The following GINS2 variants were observed in gnomAD, a reference collection of about 807,000 sequenced individuals.
The protein encoded by GINS2 is GINS complex subunit 2.
GINS2 carries 23 observed loss-of-function variants against 21.2 expected under a neutral mutation model. That is an observed-to-expected ratio of 1.08 (90% CI 0.78 to 1.53). The LOEUF is 1.53. Among genes scored for constraint, GINS2 ranks in the 40% most tolerant of loss-of-function variants. GINS2 has a pLI of 0.00. For missense variants in GINS2, 323 were observed against 233.9 expected (o/e 1.38, Z -2.49); for synonymous variants, 118 against 85.6 (o/e 1.38, Z -2.09).
chr16:85,685,685 A>AAAAAAAAAAACAAAAAAC (rs56405044), intron 2 of GINS2, among the ~76,000 whole-genome samples: 2 of 120,900 alleles, frequency 1.7e-5, no homozygotes, highest in Non-Finnish European at 3.9e-5. Flanking sequence ...AAAAAAAAAA[A>AAAAAAAAAAACAAAAAAC]AAAAAACCGT....
rs147107148 is a variant in GINS2 at position 85,681,721 on chromosome 16, C to T, written c.206-40G>A. The T allele has an allele frequency of 4.0e-3, 5,058 of 1,249,854 alleles. 21 individuals carry two copies. Among genetic ancestry groups the T allele is most frequent in the South Asian group, 7.7e-3 (620 of 80,250 alleles). 77.4% of individuals were successfully genotyped at this position (1,249,854 alleles called of 1,614,324 possible). Reference sequence around the variant, plus strand: ...TTAATACATTTTACCATCATTATAACCAAGATATTTATTAAACCTTCCAAA... The same window carrying T: ...TTAATACATTTTACCATCATTATAATCAAGATATTTATTAAACCTTCCAAA... On this transcript the variant is annotated intron_variant, in intron 2 of 4. Transcript: ENST00000253462.
At chr16:85,683,217 G>T (rs2053748681) in intron 2 of GINS2, among the ~76,000 whole-genome samples, 1 of 152,022 alleles carries the variant, frequency 6.6e-6, no homozygotes. Flanking sequence ...GCTTGCTTAT[G>T]AACTCACTAG....
chr16:85,683,270 C>T (rs1243827565), intron 2 of GINS2, among the ~76,000 whole-genome samples: 5 of 152,092 alleles, frequency 3.3e-5, no homozygotes, highest in Non-Finnish European at 7.4e-5. Context: ...GACCTCTCGA[C>T]ACTGGGACAA....
intron 2 of GINS2, 57 bp from the exon 3 acceptor site, chr16:85,681,738 C>A (rs956227905): frequency 9.1e-6 from 10 of 1,093,138 alleles, no homozygotes; most frequent in African/African-American, 1.6e-5. Context: ...ATTTATTAAA[C>A]CTTCCAAATT....
In GINS2 at chr16:85,684,966, T is replaced by G. The variant is rs1023678361; in HGVS notation, c.205+2494A>C. ...AAACACCCAGCTAATTTTTGTATTT[T>G]TTAGTAGAGACAGGGTTTCACCATG... is the stretch of plus-strand genomic sequence containing the variant. On this transcript the variant is annotated intron_variant, in intron 2 of 4. Coordinates refer to ENST00000253462, the MANE Select transcript of GINS2 (RefSeq NM_016095.3). Among the ~76,000 whole-genome samples, 4 of 152,038 alleles carry G rather than the reference T, an allele frequency of 2.6e-5. No homozygotes were observed. The South Asian group carries it at 8.3e-4, about 32-fold the overall frequency.
At chr16:85,682,279 T>C (rs1047307722) in intron 2 of GINS2, among the ~76,000 whole-genome samples, 7 of 152,132 alleles carry the variant, frequency 4.6e-5, no homozygotes, top group African/African-American at 1.7e-4. Context: ...CTTCTCGAAG[T>C]GCTGGGATTA....
chr16:85,676,492 G>T lies in GINS2; in HGVS notation c.*1720C>A, dbSNP rs983592427. The T allele has an allele frequency of 6.6e-6, 1 of 152,248 alleles. No homozygotes were observed. The highest frequency in any genetic ancestry group is 6.5e-5 in the Admixed American group (1 of 15,290). 9.4% of individuals were successfully genotyped at this position (152,248 alleles called of 1,614,324 possible). The stretch of plus-strand genomic sequence containing the variant: ...TCATCTTTTGGTCCCAGTCTTCCAG[G>T]TCTGACCCTTCAGTGTCCAAATAAC... On this transcript the variant is annotated 3_prime_UTR_variant, in exon 5 of 5. Coordinates refer to ENST00000253462, the MANE Select transcript of GINS2 (RefSeq NM_016095.3).
chr16:85,688,138 A>G (rs1274851146), intron 1 of GINS2: 1 of 151,958 alleles, frequency 6.6e-6, no homozygotes, highest in East Asian at 1.9e-4. Context: ...TCTCAAAGAT[A>G]AAGACAAAAA....
At chr16:85,682,916 C>T (rs747652334) in intron 2 of GINS2, among the ~76,000 whole-genome samples, 1 of 152,114 alleles carries the variant, frequency 6.6e-6, no homozygotes, top group Non-Finnish European at 1.5e-5. Context: ...TTGGTCTACT[C>T]ACCCTCTCTT....
At chr16:85,684,561 CG>C (rs2053759548) in intron 2 of GINS2, among the ~76,000 whole-genome samples, 1 of 151,756 alleles carries the variant, frequency 6.6e-6, no homozygotes, top group Non-Finnish European at 1.5e-5. Flanking sequence ...ACAGAAGAAT[CG>C]GTGAACAAAT....
At chr16:85,685,973 A>G (rs1016554375) in intron 2 of GINS2, among the ~76,000 whole-genome samples, 2 of 151,666 alleles carry the variant, frequency 1.3e-5, no homozygotes, top group East Asian at 1.9e-4. Flanking sequence ...ATGTATGACC[A>G]TACCCCTCTC....
chr16:85,684,315 C>G (rs953227823), intron 2 of GINS2, among the ~76,000 whole-genome samples: 1 of 151,934 alleles, frequency 6.6e-6, no homozygotes. Context: ...GCCTGGACAT[C>G]AGAGCGAGAG....
In GINS2 at chr16:85,685,685, A is replaced by AAAAAAAAAAC. The variant is rs56405044; in HGVS notation, c.205+1774_205+1775insGTTTTTTTTT. Among the ~76,000 whole-genome samples the AAAAAAAAAAC allele has an allele frequency of 7.4e-4, 90 of 120,902 alleles. 3 individuals carry two copies. Among genetic ancestry groups the AAAAAAAAAAC allele is most frequent in the Non-Finnish European group, 1.0e-3 (53 of 51,828 alleles). The allele number at this position is 120,902 out of a possible 152,430, so 79.3% of individuals were successfully genotyped here. On this transcript the variant is annotated intron_variant, in intron 2 of 4. Transcript: ENST00000253462. Reference sequence around the variant, plus strand: ...GACCCTTTCTCAAAAAAAAAAAAAAAAAAAAACCGTCTCAAAGCAGAGGAA... The same window carrying AAAAAAAAAAC: ...GACCCTTTCTCAAAAAAAAAAAAAAAAAAAAAAAACAAAAAACCGTCTCAAAGCAGAGGAA...
At chr16:85,678,425 T>C (rs2053703804) in intron 4 of GINS2, 88 bp from the exon 5 acceptor site, 6 of 1,557,192 alleles carry the variant, frequency 3.9e-6, no homozygotes, top group South Asian at 2.3e-5. Flanking sequence ...AAGAAACCAA[T>C]GAACTGTTGA....
chr16:85,681,363 C>T (rs986826637), intron 3 of GINS2, among the ~76,000 whole-genome samples: 18 of 152,180 alleles, frequency 1.2e-4, no homozygotes, highest in Admixed American at 5.9e-4. Flanking sequence ...CAGAGAAAGG[C>T]AAAGAACAGA....
In GINS2 at chr16:85,677,766, G is replaced by C. The variant is rs2053692950; in HGVS notation, c.*446C>G. 6.3e-6 allele frequency: 1 copy of C among 159,758 alleles called. No individual in the cohort carries two copies. The allele number at this position is 159,758 out of a possible 1,614,324, so 9.9% of individuals were successfully genotyped here. On this transcript the variant is annotated 3_prime_UTR_variant, in exon 5 of 5. Transcript: ENST00000253462. ...CACCATCTGCCATCCTTCTCTGTGA[G>C]CCACCTCTGTGAGAGAGTCTAAATT...
intron 2 of GINS2, among the ~76,000 whole-genome samples, chr16:85,685,043 C>T (rs568609881): frequency 2.0e-5 from 3 of 152,046 alleles, no homozygotes; most frequent in Non-Finnish European, 4.4e-5. Context: ...CCCATCTCGG[C>T]CTCCCAAAGT....
chr16:85,684,552 C>G (rs187360068), intron 2 of GINS2, among the ~76,000 whole-genome samples: 10 of 151,858 alleles, frequency 6.6e-5, no homozygotes, highest in Middle Eastern at 3.2e-3. Context: ...TATCTACCAA[C>G]AGAAGAATCG....
intron 2 of GINS2, among the ~76,000 whole-genome samples, chr16:85,686,964 G>A (rs1231110777): frequency 2.0e-5 from 3 of 152,202 alleles, no homozygotes; most frequent in Admixed American, 6.5e-5. Context: ...AGTGGCTCAC[G>A]CCTATAATCC....
Sources: gnomAD v4.1 joint callset for allele counts (sites outside exome capture counted in the v4.1 genomes callset) on GRCh38, gnomAD v4.1.1 for gene constraint, MANE v1.5 for transcripts, NCBI Gene and HGNC (gene_info 2026-07-23, HGNC 2026-07-21) for gene names.